Variants in TNNT1 observed in about 807,000 individuals in gnomAD.
The protein encoded by TNNT1 is troponin T1, slow skeletal type.
In TNNT1, 53 loss-of-function variants were observed where a neutral mutation model predicts 50.6. The ratio of observed to expected loss-of-function variants is 1.05; its 90% CI spans 0.84 to 1.32. The LOEUF is 1.32. TNNT1 is among the 40% of genes most tolerant of loss of function. TNNT1 has a pLI of 0.00. For synonymous variants in TNNT1, 142 were observed against 138.0 expected (o/e 1.03, Z -0.20); for missense variants, 348 against 381.7 (o/e 0.91, Z 0.74).
chr19:55,138,626 G>C (rs1213875789), intron 9 of TNNT1, among the ~76,000 whole-genome samples: 1 of 150,948 alleles, frequency 6.6e-6, no homozygotes, highest in Non-Finnish European at 1.5e-5. Context: ...AAATGAAGGA[G>C]AAGAAGAAAT....
At chr19:55,148,546 C>T (rs939755160) in intron 1 of TNNT1, among the ~76,000 whole-genome samples, 1 of 151,806 alleles carries the variant, frequency 6.6e-6, no homozygotes. Context: ...ATTCTGAAAT[C>T]CCAGTTCTTG....
chr19:55,135,201 C>A (rs1048748573), intron 11 of TNNT1, among the ~76,000 whole-genome samples: 1 of 152,126 alleles, frequency 6.6e-6, no homozygotes, highest in Non-Finnish European at 1.5e-5. Context: ...TCTTCTCTTG[C>A]GTCTTCTTTC....
chr19:55,140,066 T>A (rs1243063555), intron 9 of TNNT1, among the ~76,000 whole-genome samples: 3 of 150,170 alleles, frequency 2.0e-5, no homozygotes, highest in Non-Finnish European at 4.4e-5. Flanking sequence ...GAGGTTGCAG[T>A]GAGCTGAGAT....
chr19:55,141,201 G>C lies in TNNT1; in HGVS notation c.294C>G (p.Ala98=). 2.5e-6 allele frequency: 4 copies of C among 1,614,164 alleles called. No homozygotes were observed. Among genetic ancestry groups the C allele is most frequent in the Non-Finnish European group, 3.4e-6 (4 of 1,179,986 alleles). The change falls in exon 8 of 14, where the codon GCC becomes GCG. Residue 98 remains alanine, a synonymous_variant. Transcript: ENST00000588981. The stretch of plus-strand genomic sequence containing the variant: ...CTCGGCTCACAATGCGCTCCTTCAA[G>C]GCAACCAGCTCCTCTTCCTCCTTCT... ...QRKKEEEELV[A]LKERIERRRS... is the part of the protein sequence containing the mutation.
intron 11 of TNNT1, among the ~76,000 whole-genome samples, chr19:55,136,843 G>A (rs1462354371): frequency 1.3e-5 from 2 of 152,130 alleles, no homozygotes; most frequent in Admixed American, 1.3e-4. Context: ...CTAAACTTGG[G>A]GGAGGGAAGT....
chr19:55,136,650 G>T (rs1234435282), intron 11 of TNNT1, among the ~76,000 whole-genome samples: 3 of 152,148 alleles, frequency 2.0e-5, no homozygotes, highest in Non-Finnish European at 4.4e-5. Context: ...AAACAGGCGG[G>T]CTCCTGAAGG....
chr19:55,132,958 C>T lies in TNNT1; in HGVS notation c.794G>A (p.Arg265Gln), dbSNP rs1223592566. The T allele has an allele frequency of 2.5e-6, 4 of 1,601,012 alleles. No individual in the cohort carries two copies. Among genetic ancestry groups the T allele is most frequent in the Non-Finnish European group, 3.4e-6 (4 of 1,175,168 alleles). ...AACGCGGCCCTTCCCTGCCCCCTTC[C>T]GGCTGTAGAAGAATGAGGTGGTATC... ...YNRISHAQKF[R>Q]KGAGKGRVGG... Residue 265 changes from arginine to glutamine, a missense_variant and splice_region_variant, in exon 14 of 14, where the codon CGG (arginine) becomes CAG (glutamine). Arg to Gln is a conservative substitution (Grantham distance 43, BLOSUM62 1). Around this residue, in one of 3 missense-constraint regions of TNNT1, gnomAD observed 253 missense variants for 291.8 expected, o/e 0.87. Coordinates refer to ENST00000588981, the MANE Select transcript of TNNT1 (RefSeq NM_003283.6).
rs749449831 is a variant in TNNT1, at chr19:55,141,276, T to C, written c.219A>G (p.Lys73=). 1.2e-6 allele frequency: 2 copies of C among 1,614,204 alleles called. No individual in the cohort carries two copies. Among genetic ancestry groups the C allele is most frequent in the South Asian group, 2.2e-5 (2 of 91,092 alleles). ...TGAGTGTCTGCAGCTCCAGCAGGTC[T>C]TTCTCCATGCGCTTGCGGTGGATGT... The part of the protein sequence containing the change: ...FDDIHRKRME[K]DLLELQTLID... The change falls in exon 8 of 14, where the codon AAA becomes AAG. Residue 73 remains lysine (K), a synonymous_variant. Coordinates refer to ENST00000588981, the MANE Select transcript of TNNT1 (RefSeq NM_003283.6).
intron 9 of TNNT1, among the ~76,000 whole-genome samples, chr19:55,139,018 G>A (rs181959187): frequency 9.5e-4 from 144 of 152,176 alleles, no homozygotes; most frequent in African/African-American, 3.3e-3. Context: ...TTTTTGAGAT[G>A]GAGTCTCGCT....
chr19:55,135,866 C>G (rs2085338840), intron 11 of TNNT1, among the ~76,000 whole-genome samples: 1 of 152,134 alleles, frequency 6.6e-6, no homozygotes, highest in Admixed American at 6.6e-5. Flanking sequence ...AAGGAGGGCC[C>G]ACAGCGCCCC....
chr19:55,139,279 C>T (rs543729861), intron 9 of TNNT1, among the ~76,000 whole-genome samples: 110 of 152,316 alleles, frequency 7.2e-4, no homozygotes, highest in African/African-American at 2.3e-3. Context: ...GGATTACAGG[C>T]GTCAGCCATC....
intron 6 of TNNT1, among the ~76,000 whole-genome samples, chr19:55,143,212 G>C (rs989885159): frequency 6.6e-6 from 1 of 151,740 alleles, no homozygotes; most frequent in Non-Finnish European, 1.5e-5. Flanking sequence ...GTTGTCCAGG[G>C]TGGTCTTGAA....
At chr19:55,142,056 G>A (rs768152638) in intron 6 of TNNT1, 136 bp from the exon 7 acceptor site, 1 of 800,586 alleles carries the variant, frequency 1.2e-6, no homozygotes, top group Non-Finnish European at 2.2e-6. Context: ...AGCTGAGGCG[G>A]GCTGTCAGTG....
At chr19:55,134,703 GGGAGA>G (rs1458575534) in intron 11 of TNNT1, among the ~76,000 whole-genome samples, 2 of 61,188 alleles carry the variant, frequency 3.3e-5, no homozygotes, top group Non-Finnish European at 6.6e-5. Context: ...GGGAGGGGAG[GGGAGA>G]GGAGAAGAGG....
At chr19:55,136,527 G>A (rs1250998686) in intron 11 of TNNT1, among the ~76,000 whole-genome samples, 2 of 152,212 alleles carry the variant, frequency 1.3e-5, no homozygotes, top group Admixed American at 6.5e-5. Flanking sequence ...AGCCGGCAAA[G>A]CTGGCACTGA....
At chr19:55,146,109 T>C (rs989071984) in intron 5 of TNNT1, among the ~76,000 whole-genome samples, 1 of 150,468 alleles carries the variant, frequency 6.6e-6, no homozygotes, top group South Asian at 2.1e-4. Flanking sequence ...ACAGACAAGG[T>C]TGGAGGCGAA....
intron 1 of TNNT1, among the ~76,000 whole-genome samples, chr19:55,148,661 A>G: frequency 6.6e-6 from 1 of 151,952 alleles, no homozygotes; most frequent in East Asian, 1.9e-4. Context: ...CTTGATACCC[A>G]AACTCGGAGG....
chr19:55,142,650 C>T (rs144847910), intron 6 of TNNT1, among the ~76,000 whole-genome samples: 2,651 of 151,456 alleles, frequency 0.018, 104 homozygotes, highest in African/African-American at 0.061. Context: ...CAGATTCAAG[C>T]GATTCTCCTG....
intron 1 of TNNT1, among the ~76,000 whole-genome samples, chr19:55,148,833 A>G (rs1218460866): frequency 6.6e-6 from 1 of 151,790 alleles, no homozygotes; most frequent in Non-Finnish European, 1.5e-5. Context: ...TGACACCCAG[A>G]TTGTTTGACC....
Sources: gnomAD v4.1 joint callset for allele counts (sites outside exome capture counted in the v4.1 genomes callset) on GRCh38, gnomAD v4.1.1 for gene constraint, gnomAD v4.1.1 regional missense constraint, MANE v1.5 for transcripts, NCBI Gene and HGNC (gene_info 2026-07-23, HGNC 2026-07-21) for gene names.